Variants in ABTB3 observed in about 807,000 individuals in gnomAD.
ABTB3 encodes ankyrin repeat- and BTB/POZ domain-containing protein 3.
the ABTB3 span, among the ~76,000 whole-genome samples, chr12:107,631,010 G>C: frequency 6.6e-6 from 1 of 152,160 alleles, no homozygotes; most frequent in Non-Finnish European, 1.5e-5. Context: ...TATACATGAT[G>C]CTGAGGTTTG....
chr12:107,646,685 G>A, the ABTB3 span, among the ~76,000 whole-genome samples: 1,232 of 152,276 alleles, frequency 8.1e-3, 12 homozygotes, highest in Non-Finnish European at 0.011. Flanking sequence ...GCGAGGATTC[G>A]TGTTTATGGG....
the ABTB3 span, among the ~76,000 whole-genome samples, chr12:107,581,490 G>T: frequency 6.6e-6 from 1 of 152,220 alleles, no homozygotes; most frequent in African/African-American, 2.4e-5. Flanking sequence ...GGAGTTGCAG[G>T]GTTGAAAGAA....
chr12:107,567,128 A>G, the ABTB3 span, among the ~76,000 whole-genome samples: 3 of 152,260 alleles, frequency 2.0e-5, no homozygotes, highest in Non-Finnish European at 2.9e-5. Flanking sequence ...CAATCAATCA[A>G]TTAAATCCAT....
chr12:107,566,052 G>A, the ABTB3 span, among the ~76,000 whole-genome samples: 5 of 152,172 alleles, frequency 3.3e-5, no homozygotes. Flanking sequence ...TCTAGACTGC[G>A]AAGTAAATTG....
chr12:107,626,811 T>C, the ABTB3 span, among the ~76,000 whole-genome samples: 1 of 152,028 alleles, frequency 6.6e-6, no homozygotes, highest in Non-Finnish European at 1.5e-5. Flanking sequence ...TGCCTCTACC[T>C]CTCTAATAAT....
chr12:107,632,207 C>T, the ABTB3 span, among the ~76,000 whole-genome samples: 1 of 152,092 alleles, frequency 6.6e-6, no homozygotes, highest in Non-Finnish European at 1.5e-5. Flanking sequence ...CCTCCTGAAT[C>T]GAGTTAAACC....
chr12:107,318,876 C>G, the ABTB3 span: 1 of 1,488,556 alleles, frequency 6.7e-7, no homozygotes, highest in South Asian at 1.4e-5. Flanking sequence ...CCCCGCGGCA[C>G]TCGCTGCTCC....
the ABTB3 span, among the ~76,000 whole-genome samples, chr12:107,510,157 G>A: frequency 2.6e-4 from 40 of 152,264 alleles, no homozygotes; most frequent in African/African-American, 7.5e-4. Flanking sequence ...GGGCTGCTGC[G>A]TTGCTGCACC....
At chr12:107,413,176 AG>A in the ABTB3 span, among the ~76,000 whole-genome samples, 4 of 152,132 alleles carry the variant, frequency 2.6e-5, no homozygotes, top group Admixed American at 6.5e-5. Flanking sequence ...CAGGAGGCTG[AG>A]GCAGGAGAAT....
At chr12:107,374,477 A>T in the ABTB3 span, among the ~76,000 whole-genome samples, 1 of 152,100 alleles carries the variant, frequency 6.6e-6, no homozygotes, top group Non-Finnish European at 1.5e-5. Flanking sequence ...AAATCTTTGC[A>T]CTTTGGGGCC....
At chr12:107,424,203 C>G in the ABTB3 span, among the ~76,000 whole-genome samples, 2 of 152,178 alleles carry the variant, frequency 1.3e-5, no homozygotes, top group African/African-American at 4.8e-5. Context: ...CCCTGGTTAC[C>G]TTATCAGTGG....
chr12:107,610,277 G>A, the ABTB3 span: 29 of 1,614,070 alleles, frequency 1.8e-5, no homozygotes, highest in Non-Finnish European at 2.4e-5. Flanking sequence ...TCCGGATGCT[G>A]AACTGTGGAC....
the ABTB3 span, among the ~76,000 whole-genome samples, chr12:107,508,446 T>TTTGTTTTGTG: frequency 3.5e-5 from 3 of 86,064 alleles, no homozygotes; most frequent in Non-Finnish European, 6.7e-5. Flanking sequence ...TTCTTTTTTT[T>TTTGTTTTGTG]TTTTTTTTTT....
At chr12:107,350,105 A>T in the ABTB3 span, among the ~76,000 whole-genome samples, 1 of 152,236 alleles carries the variant, frequency 6.6e-6, no homozygotes, top group Non-Finnish European at 1.5e-5. Context: ...CTCTCAAGGC[A>T]AAGGATAACC....
chr12:107,414,701 C>G, the ABTB3 span, among the ~76,000 whole-genome samples: 7 of 151,634 alleles, frequency 4.6e-5, no homozygotes, highest in African/African-American at 1.2e-4. Context: ...ACCATCCCCC[C>G]CTTTCTTTTC....
the ABTB3 span, among the ~76,000 whole-genome samples, chr12:107,479,553 G>T: frequency 6.6e-6 from 1 of 152,054 alleles, no homozygotes; most frequent in Non-Finnish European, 1.5e-5. Context: ...GTAGGTGTTT[G>T]CCGTTATTAT....
the ABTB3 span, among the ~76,000 whole-genome samples, chr12:107,524,001 G>A: frequency 7.2e-5 from 11 of 152,314 alleles, no homozygotes; most frequent in South Asian, 8.3e-4. Context: ...GGGGCCCTGC[G>A]TAATTCTGGT....
At chr12:107,602,023 A>G in the ABTB3 span, among the ~76,000 whole-genome samples, 1 of 152,220 alleles carries the variant, frequency 6.6e-6, no homozygotes, top group Non-Finnish European at 1.5e-5. Context: ...ACACTGGAGT[A>G]AAACTCTCAG....
the ABTB3 span, among the ~76,000 whole-genome samples, chr12:107,600,270 A>G: frequency 6.6e-6 from 1 of 152,216 alleles, no homozygotes; most frequent in Admixed American, 6.5e-5. Flanking sequence ...CGCAACCTCG[A>G]TGCCGCAATT....
Sources: gnomAD v4.1 joint callset for allele counts (sites outside exome capture counted in the v4.1 genomes callset) on GRCh38, gnomAD v4.1.1 for gene constraint, MANE v1.5 for transcripts, NCBI Gene and HGNC (gene_info 2026-07-23, HGNC 2026-07-21) for gene names.